Variants in DLG2 observed in about 807,000 individuals in gnomAD.
DLG2 encodes discs large MAGUK scaffold protein 2.
A neutral mutation model predicts 132.5 loss-of-function variants in DLG2; 45 were observed. The observed-to-expected ratio is 0.34, with a 90% CI of 0.27 to 0.44. The LOEUF is 0.44. Among genes scored for constraint, DLG2 ranks in the 20% least tolerant of loss-of-function variants. The pLI, the probability that DLG2 is intolerant of heterozygous loss-of-function variation, is 1.00. For missense variants in DLG2, 1,045 were observed against 1,196.9 expected (o/e 0.87, Z 1.87); for synonymous variants, 424 against 419.6 (o/e 1.01, Z -0.13).
At chr11:84,860,677 G>A (rs1207456837) in intron 6 of DLG2, among the ~76,000 whole-genome samples, 4 of 152,020 alleles carry the variant, frequency 2.6e-5, no homozygotes, top group African/African-American at 7.2e-5. Flanking sequence ...ACACACATAG[G>A]TAGACCAAAC....
intron 6 of DLG2, among the ~76,000 whole-genome samples, chr11:84,698,172 A>G (rs1327814583): frequency 6.6e-6 from 1 of 151,484 alleles, no homozygotes; most frequent in African/African-American, 2.4e-5. Context: ...CATTAACTAA[A>G]TAGATGATAT....
At chr11:83,869,055 T>C (rs967482293) in intron 16 of DLG2, among the ~76,000 whole-genome samples, 16 of 152,196 alleles carry the variant, frequency 1.1e-4, no homozygotes, top group Admixed American at 3.3e-4. Flanking sequence ...TTGGAAGGCA[T>C]CTAATACCTT....
chr11:83,578,270 A>G (rs1056408515), intron 19 of DLG2, among the ~76,000 whole-genome samples: 4 of 151,772 alleles, frequency 2.6e-5, no homozygotes, highest in African/African-American at 9.7e-5. Flanking sequence ...CAACATCTGG[A>G]GAGTTATAGC....
intron 3 of DLG2, among the ~76,000 whole-genome samples, chr11:85,513,353 A>C (rs1414207844): frequency 6.6e-6 from 1 of 152,048 alleles, no homozygotes; most frequent in Non-Finnish European, 1.5e-5. Flanking sequence ...AATTTTAAAA[A>C]TTAAAAATAG....
At chr11:85,265,465 A>G (rs182218466) in intron 4 of DLG2, among the ~76,000 whole-genome samples, 1 of 152,322 alleles carries the variant, frequency 6.6e-6, no homozygotes, top group African/African-American at 2.4e-5. Flanking sequence ...TTTGGCTCCA[A>G]GGCCTATGCT....
intron 3 of DLG2, among the ~76,000 whole-genome samples, chr11:85,389,438 G>A (rs924908041): frequency 6.6e-6 from 1 of 152,176 alleles, no homozygotes; most frequent in Non-Finnish European, 1.5e-5. Context: ...ACATATTTGA[G>A]GGAATACCTG....
intron 8 of DLG2, among the ~76,000 whole-genome samples, chr11:84,227,052 C>A (rs2097008789): frequency 6.6e-6 from 1 of 151,934 alleles, no homozygotes; most frequent in Non-Finnish European, 1.5e-5. Context: ...TGCCACTACA[C>A]TCCAGCTTGG....
chr11:84,217,051 T>C (rs1004030550), intron 8 of DLG2, among the ~76,000 whole-genome samples: 4 of 152,200 alleles, frequency 2.6e-5, no homozygotes, highest in Non-Finnish European at 4.4e-5. Flanking sequence ...ATCAAATCAA[T>C]AGATAAGACT....
intron 3 of DLG2, among the ~76,000 whole-genome samples, chr11:85,558,216 T>C (rs1298935568): frequency 1.3e-5 from 2 of 151,874 alleles, no homozygotes; most frequent in Non-Finnish European, 2.9e-5. Context: ...TCAATATCAC[T>C]AATGATCAGA....
In DLG2 at chr11:85,560,438, G is replaced by A. The variant is rs960535271; in HGVS notation, c.40+38219C>T. Among the ~76,000 whole-genome samples, 3 of 151,852 alleles carry A rather than the reference G, an allele frequency of 2.0e-5. 1 individual carries two copies. The highest frequency in any genetic ancestry group is 4.4e-5 in the Non-Finnish European group (3 of 67,888). On this transcript the variant is annotated intron_variant, in intron 3 of 27. Transcript: ENST00000376104. The stretch of plus-strand genomic sequence containing the variant: ...AACTACTGATATAGGCTACAACATG[G>A]ATGAACCTCAAAAACATTATGGTAA...
intron 6 of DLG2, among the ~76,000 whole-genome samples, chr11:84,985,442 C>A (rs114023097): frequency 0.036 from 5,399 of 152,084 alleles, 295 homozygotes; most frequent in African/African-American, 0.12. Flanking sequence ...ACAATAGTGA[C>A]ACAACCTATC....
chr11:84,902,367 G>A (rs1027839273), intron 6 of DLG2, among the ~76,000 whole-genome samples: 1 of 152,160 alleles, frequency 6.6e-6, no homozygotes. Context: ...CAATGCCTCT[G>A]AGGTTAAAAT....
At chr11:85,288,349 C>G (rs529158298) in intron 3 of DLG2, among the ~76,000 whole-genome samples, 1 of 152,116 alleles carries the variant, frequency 6.6e-6, no homozygotes, top group African/African-American at 2.4e-5. Context: ...AAAGTAAAAT[C>G]TGTACAGATA....
intron 6 of DLG2, among the ~76,000 whole-genome samples, chr11:85,003,628 G>GA (rs1174842847): frequency 6.6e-6 from 1 of 152,040 alleles, no homozygotes; most frequent in East Asian, 1.9e-4. Context: ...TTCAGCTTGA[G>GA]AAAAAAATGA....
chr11:83,960,468 TAATA>T (rs1404730904), intron 14 of DLG2, among the ~76,000 whole-genome samples: 2 of 151,998 alleles, frequency 1.3e-5, no homozygotes, highest in Non-Finnish European at 2.9e-5. Flanking sequence ...AGTAAAAACA[TAATA>T]AATAATTGCC....
At chr11:83,885,493 A>AAG (rs2067578732) in intron 15 of DLG2, among the ~76,000 whole-genome samples, 2 of 152,234 alleles carry the variant, frequency 1.3e-5, no homozygotes, top group Non-Finnish European at 2.9e-5. Context: ...GAAAGTGACG[A>AAG]GGAGAATGGA....
chr11:84,917,265 A>G (rs773346059), intron 6 of DLG2, among the ~76,000 whole-genome samples: 1 of 152,300 alleles, frequency 6.6e-6, no homozygotes, highest in Non-Finnish European at 1.5e-5. Context: ...TCTGGCCAAC[A>G]TGTATTAGAA....
intron 5 of DLG2, among the ~76,000 whole-genome samples, chr11:85,121,147 A>T (rs1198461413): frequency 1.3e-5 from 2 of 152,004 alleles, no homozygotes; most frequent in Non-Finnish European, 2.9e-5. Context: ...CCAGTATAAA[A>T]AAGTAGCCGA....
intron 11 of DLG2, among the ~76,000 whole-genome samples, chr11:84,023,440 A>T (rs2095452843): frequency 6.6e-6 from 1 of 152,152 alleles, no homozygotes; most frequent in Non-Finnish European, 1.5e-5. Flanking sequence ...ATATTTAAAG[A>T]CATCACCTGA....
Sources: gnomAD v4.1 joint callset for allele counts (sites outside exome capture counted in the v4.1 genomes callset) on GRCh38, gnomAD v4.1.1 for gene constraint, MANE v1.5 for transcripts, NCBI Gene and HGNC (gene_info 2026-07-23, HGNC 2026-07-21) for gene names.